TSPAN32: variants seen among roughly 807,000 people sequenced by gnomAD.
The protein encoded by TSPAN32 is tetraspanin-32.
TSPAN32 carries 47 observed loss-of-function variants against 42.7 expected under a neutral mutation model. That is an observed-to-expected ratio of 1.10 (90% CI 0.87 to 1.40). The LOEUF is 1.40. Ranked by LOEUF, TSPAN32 falls within the 40% of genes most tolerant of loss-of-function variation. TSPAN32 has a pLI of 0.00. For missense variants in TSPAN32, 469 were observed against 424.1 expected (o/e 1.11, Z -0.93); for synonymous variants, 175 against 175.9 (o/e 0.99, Z 0.04).
chr11:2,302,836 A>T lies in TSPAN32; in HGVS notation c.67-8A>T. 3 of 1,612,006 alleles carry T rather than the reference A, an allele frequency of 1.9e-6. No homozygotes were observed. Among genetic ancestry groups the T allele is most frequent in the Non-Finnish European group, 2.5e-6 (3 of 1,178,752 alleles). The stretch of plus-strand genomic sequence containing the variant: ...ATGCCCCACACTCTGAGTCTGCCCT[A>T]TCCACAGCTGCTGGGCCTCTCTGTG... On this transcript the variant is annotated splice_region_variant and splice_polypyrimidine_tract_variant and intron_variant, in intron 1 of 9. Coordinates refer to ENST00000182290, the MANE Select transcript of TSPAN32 (RefSeq NM_139022.3).
At chr11:2,310,826 G>T (rs537275557) in intron 4 of TSPAN32, among the ~76,000 whole-genome samples, 1 of 152,348 alleles carries the variant, frequency 6.6e-6, no homozygotes, top group East Asian at 1.9e-4. Flanking sequence ...GCTCGAAGCT[G>T]TCCTGGGTGT....
At chr11:2,303,033 C>T (rs536122240) in intron 2 of TSPAN32, 75 bp downstream of exon 2, 85 of 1,342,934 alleles carry the variant, frequency 6.3e-5, no homozygotes, top group East Asian at 3.0e-4. Flanking sequence ...CCCAGCTGGA[C>T]GCCTCACAGC....
In TSPAN32 at chr11:2,313,756, G is replaced by T; in HGVS notation, c.456+1G>T. 1 of 1,589,450 alleles carries T rather than the reference G, an allele frequency of 6.3e-7. No homozygotes were observed. Among genetic ancestry groups the T allele is most frequent in the South Asian group, 1.1e-5 (1 of 87,700 alleles). On this transcript the variant is annotated splice_donor_variant, in intron 5 of 9. Coordinates refer to ENST00000182290, the MANE Select transcript of TSPAN32 (RefSeq NM_139022.3). LOFTEE classifies it high-confidence loss of function. This position sits in a 1 kb window ranked among gnomAD's most constrained non-coding sequence, Gnocchi z 9.1. ...GGAGCTGGCGGCCATCCAGGACGTGGTGAGCGTGGGGACGGCTGGGTGGCA... is the reference window on the plus strand; with the variant it reads ...GGAGCTGGCGGCCATCCAGGACGTGTTGAGCGTGGGGACGGCTGGGTGGCA...
chr11:2,315,932 A>T lies in TSPAN32; in HGVS notation c.544-297A>T, dbSNP rs776309350. ...GAGTGAATTCGAAGTGGCCCGGCCCAGGGGAGCCAACGTGTGGCCCAACAT... is the reference window on the plus strand; with the variant it reads ...GAGTGAATTCGAAGTGGCCCGGCCCTGGGGAGCCAACGTGTGGCCCAACAT... On this transcript the variant is annotated intron_variant, in intron 6 of 9. Transcript: ENST00000182290. The T allele has an allele frequency of 5.3e-6, 8 of 1,513,172 alleles. No homozygotes were observed. In the South Asian group the frequency reaches 9.6e-5, roughly 18 times the overall value. 93.7% of individuals were successfully genotyped at this position (1,513,172 alleles called of 1,614,324 possible).
chr11:2,303,704 G>T (rs1437378040), intron 2 of TSPAN32, among the ~76,000 whole-genome samples: 1 of 152,094 alleles, frequency 6.6e-6, no homozygotes, highest in Non-Finnish European at 1.5e-5. Flanking sequence ...CCCAGGTCCA[G>T]GTCCGGACTG....
intron 3 of TSPAN32, among the ~76,000 whole-genome samples, chr11:2,307,735 A>T (rs1488777710): frequency 6.6e-6 from 1 of 152,010 alleles, no homozygotes; most frequent in Non-Finnish European, 1.5e-5. Flanking sequence ...GGGTGCGCAG[A>T]CGTTTCCACC....
intron 6 of TSPAN32, 109 bp downstream of exon 6, chr11:2,314,680 C>G (rs866731725): frequency 4.5e-5 from 39 of 869,362 alleles, no homozygotes; most frequent in Non-Finnish European, 6.6e-5. Context: ...CTTGGCCTCC[C>G]CAGACCCTTG....
At position 2,317,260 on chromosome 11, in the gene TSPAN32, A is replaced by G. The variant is rs1334584837; in HGVS notation, c.720-84A>G. ...CAGAACATTCTGCAACAGCCCCATG[A>G]TCCCCTCTAGAACATTCCACAATAG... On this transcript the variant is annotated intron_variant, in intron 8 of 9. Transcript: ENST00000182290. The surrounding 1 kb of genome is among the most constrained non-coding windows in gnomAD (Gnocchi z 6.2). The G allele has an allele frequency of 3.7e-6, 4 of 1,090,892 alleles. No individual in the cohort carries two copies. The highest frequency in any genetic ancestry group is 2.2e-5 in the Admixed American group (1 of 46,046). The allele number at this position is 1,090,892 out of a possible 1,614,324, so 67.6% of individuals were successfully genotyped here.
At position 2,302,830 on chromosome 11, in the gene TSPAN32, T is replaced by G. The variant is rs1199992618; in HGVS notation, c.67-14T>G. ...AGTCCCATGCCCCACACTCTGAGTC[T>G]GCCCTATCCACAGCTGCTGGGCCTC... On this transcript the variant is annotated splice_polypyrimidine_tract_variant and intron_variant, in intron 1 of 9. Coordinates refer to ENST00000182290, the MANE Select transcript of TSPAN32 (RefSeq NM_139022.3). The G allele has an allele frequency of 6.2e-7, 1 of 1,610,100 alleles. No individual in the cohort carries two copies. Among genetic ancestry groups the G allele is most frequent in the East Asian group, 2.2e-5 (1 of 44,828 alleles).
chr11:2,305,570 G>C (rs79064532), intron 3 of TSPAN32, among the ~76,000 whole-genome samples: 1 of 152,216 alleles, frequency 6.6e-6, no homozygotes, highest in East Asian at 1.9e-4. Context: ...GCTGGGCCAC[G>C]GGGCTCCTGT....
intron 6 of TSPAN32, chr11:2,315,285 G>T: frequency 8.4e-7 from 1 of 1,185,214 alleles, no homozygotes; most frequent in Non-Finnish European, 1.1e-6. Context: ...CAGAGGGGAG[G>T]AGAGCAAATG....
chr11:2,309,247 A>G (rs1374299164), intron 4 of TSPAN32: 2 of 438,008 alleles, frequency 4.6e-6, no homozygotes, highest in Admixed American at 2.5e-5. Context: ...GGTGGGGCAG[A>G]CGGTACCAGT....
At chr11:2,315,205 C>T (rs756497990) in intron 6 of TSPAN32, 51 of 1,159,016 alleles carry the variant, frequency 4.4e-5, no homozygotes, top group South Asian at 4.0e-4. Flanking sequence ...CCCCGCTCCC[C>T]TCCCCTACTG....
chr11:2,303,019 C>A (rs7106334), intron 2 of TSPAN32, 61 bp downstream of exon 2: 2 of 1,473,184 alleles, frequency 1.4e-6, no homozygotes, highest in Non-Finnish European at 1.9e-6. Flanking sequence ...GTGGCTGGCA[C>A]GAGCCCAGCT....
chr11:2,311,389 C>T (rs79662754), intron 4 of TSPAN32, among the ~76,000 whole-genome samples: 1 of 152,272 alleles, frequency 6.6e-6, no homozygotes, highest in African/African-American at 2.4e-5. Context: ...ACGTTCTCCT[C>T]GAGGGCTGAG....
rs746788033 is a variant in TSPAN32, at chr11:2,314,575, A to AG, written c.543+11dup. On this transcript the variant is annotated splice_donor_region_variant and intron_variant, in intron 6 of 9. Transcript: ENST00000182290. ...GGGAGAGGAGGCGGCGAGAGAGGTGAGGGGGGGACCTGGATGCTGGCCAGG... is the reference window on the plus strand; with the variant it reads ...GGGAGAGGAGGCGGCGAGAGAGGTGAGGGGGGGGACCTGGATGCTGGCCAGG... 89 of 1,603,580 alleles carry AG rather than the reference A, an allele frequency of 5.6e-5. No individual in the cohort carries two copies. The highest frequency in any genetic ancestry group is 6.9e-5 in the Non-Finnish European group (81 of 1,175,244).
Position 2,317,757 on chromosome 11 carries a change from G to A in TSPAN32, c.902-106G>A, listed in dbSNP as rs576867305. The A allele has an allele frequency of 4.7e-4, 718 of 1,535,344 alleles. No individual in the cohort carries two copies. The highest frequency in any genetic ancestry group is 6.0e-4 in the Non-Finnish European group (692 of 1,149,332). On this transcript the variant is annotated intron_variant, in intron 9 of 9. Transcript: ENST00000182290. This position sits in a 1 kb window ranked among gnomAD's most constrained non-coding sequence, Gnocchi z 6.2. ...AGACTGCAAGACACTGGTGGCCCAC[G>A]GCCTGGAGGGCTCCACCCAGACACA...
At chr11:2,314,246 C>A (rs773859550) in intron 5 of TSPAN32, among the ~76,000 whole-genome samples, 6 of 152,160 alleles carry the variant, frequency 3.9e-5, no homozygotes, top group Non-Finnish European at 5.9e-5. Flanking sequence ...CTGCCTGGCT[C>A]CAGCAGGTGT....
chr11:2,314,500 A>G lies in TSPAN32; in HGVS notation c.472A>G (p.Lys158Glu). Residue 158 changes from lysine (K) to glutamate (E), a missense_variant, in exon 6 of 10, where the codon AAG becomes GAG. Transcript: ENST00000182290. ...AIQDVFLCCG[K>E]KSPFSRLGST... ...GTTCCTGTAGTTTCTGTGCTGTGGG[A>G]AGAAGTCTCCTTTCAGCCGTCTGGG... 1 of 1,612,370 alleles carries G rather than the reference A, an allele frequency of 6.2e-7. No individual in the cohort carries two copies. The highest frequency in any genetic ancestry group is 8.5e-7 in the Non-Finnish European group (1 of 1,179,316).
Sources: allele counts gnomAD v4.1 joint callset (sites outside exome capture counted in the v4.1 genomes callset), GRCh38; gene constraint gnomAD v4.1.1; non-coding constraint Gnocchi (gnomAD v3.1); transcripts MANE v1.5; gene names NCBI Gene and HGNC (gene_info 2026-07-23, HGNC 2026-07-21).